RPS6KC1: variants seen among roughly 807,000 people sequenced by gnomAD.
The protein encoded by RPS6KC1 is ribosomal protein S6 kinase C1, also known as inactive ribosomal protein S6 kinase delta-1.
Under a neutral mutation model 103.8 loss-of-function variants are expected in RPS6KC1, and 54 were observed. That is an observed-to-expected ratio of 0.52 (90% CI 0.42 to 0.65). The LOEUF is 0.65. RPS6KC1 is among the 30% of genes least tolerant of loss of function. The pLI is 0.00. For synonymous variants in RPS6KC1, 439 were observed against 438.7 expected, an observed-to-expected ratio of 1.00 and a Z score of -0.01; for missense variants, 1,151 against 1,253.8, an observed-to-expected ratio of 0.92 and a Z score of 1.24.
chr1:213,594,477 T>G, the RPS6KC1 span, among the ~76,000 whole-genome samples: 1 of 152,228 alleles, frequency 6.6e-6, no homozygotes, highest in Non-Finnish European at 1.5e-5. Context: ...ATTATGTATG[T>G]GGCTCCCATT....
the RPS6KC1 span, among the ~76,000 whole-genome samples, chr1:213,538,215 G>C: frequency 6.6e-6 from 1 of 152,188 alleles, no homozygotes; most frequent in African/African-American, 2.4e-5. Flanking sequence ...AATAACTGAG[G>C]AGGAAAGAAA....
At chr1:213,625,934 GGTATATAT>G in the RPS6KC1 span, among the ~76,000 whole-genome samples, 4 of 152,040 alleles carry the variant, frequency 2.6e-5, no homozygotes, top group African/African-American at 9.7e-5. Context: ...TAATCCTTTG[GGTATATAT>G]CCAGTAATGG....
the RPS6KC1 span, among the ~76,000 whole-genome samples, chr1:213,691,957 C>A: frequency 6.6e-6 from 1 of 152,206 alleles, no homozygotes; most frequent in Non-Finnish European, 1.5e-5. Flanking sequence ...CTTGCACTTT[C>A]TCTGAGGCCC....
chr1:213,443,339 G>T, the RPS6KC1 span, among the ~76,000 whole-genome samples: 1 of 152,140 alleles, frequency 6.6e-6, no homozygotes, highest in African/African-American at 2.4e-5. Context: ...CTAAAAATTT[G>T]TTATAGTCCA....
rs865795678 is a variant in RPS6KC1, at chr1:213,151,385, G to A, written c.836-16473G>A. ...TCCCTCCCGGACGGGGCGGCTGGCC[G>A]GGCAGAGGGGCTCCTCGCTTCCCAG... On this transcript the variant is annotated intron_variant, in intron 6 of 14. Transcript: ENST00000366960. 2.0e-4 allele frequency among the ~76,000 whole-genome samples: 27 copies of A among 134,296 alleles called. No homozygotes were observed. In the South Asian group the frequency reaches 5.8e-3, roughly 29 times the overall value. The allele number at this position is 134,296 out of a possible 152,430, so 88.1% of individuals were successfully genotyped here.
chr1:213,558,430 A>G, the RPS6KC1 span, among the ~76,000 whole-genome samples: 1 of 152,168 alleles, frequency 6.6e-6, no homozygotes, highest in Non-Finnish European at 1.5e-5. Flanking sequence ...GCACCTGATT[A>G]TCTACCATTT....
the RPS6KC1 span, among the ~76,000 whole-genome samples, chr1:213,528,993 C>T: frequency 2.0e-5 from 3 of 152,236 alleles, no homozygotes; most frequent in Admixed American, 1.3e-4. Flanking sequence ...AAGTGATATA[C>T]GGAAGAGTTT....
chr1:213,149,851 A>C, intron 6 of RPS6KC1, among the ~76,000 whole-genome samples: 2 of 152,338 alleles, frequency 1.3e-5, no homozygotes, highest in African/African-American at 4.8e-5. Context: ...ATATATTTAA[A>C]ATTGTTATAT....
At chr1:213,576,368 T>TG in the RPS6KC1 span, among the ~76,000 whole-genome samples, 7 of 128,826 alleles carry the variant, frequency 5.4e-5, no homozygotes, top group East Asian at 2.2e-4. Context: ...TCAGATACTG[T>TG]GGGTTTTTTT....
the RPS6KC1 span, among the ~76,000 whole-genome samples, chr1:213,723,840 CAG>C: frequency 6.8e-6 from 1 of 147,800 alleles, no homozygotes; most frequent in Non-Finnish European, 1.5e-5. Context: ...TATTCTGGTG[CAG>C]AGAGAGAGAC....
the RPS6KC1 span, among the ~76,000 whole-genome samples, chr1:213,539,586 A>G: frequency 1.3e-5 from 2 of 152,344 alleles, no homozygotes; most frequent in South Asian, 2.1e-4. Context: ...CGGTTGTGCT[A>G]TTTGGAGCAA....
At chr1:213,511,360 G>T in the RPS6KC1 span, among the ~76,000 whole-genome samples, 1 of 152,156 alleles carries the variant, frequency 6.6e-6, no homozygotes, top group Non-Finnish European at 1.5e-5. Context: ...GCCGGGGCTG[G>T]CCATCCAGCA....
chr1:213,485,105 A>G, the RPS6KC1 span, among the ~76,000 whole-genome samples: 3 of 152,182 alleles, frequency 2.0e-5, no homozygotes, highest in Middle Eastern at 3.4e-3. Flanking sequence ...GGCTCAAGCA[A>G]TCCTCCCATC....
chr1:213,745,594 C>A, the RPS6KC1 span, among the ~76,000 whole-genome samples: 1 of 151,982 alleles, frequency 6.6e-6, no homozygotes, highest in African/African-American at 2.4e-5. Context: ...CTTGTCTGAG[C>A]GCCCAGCCCC....
the RPS6KC1 span, among the ~76,000 whole-genome samples, chr1:213,503,968 A>G: frequency 1.3e-5 from 2 of 152,216 alleles, no homozygotes; most frequent in African/African-American, 4.8e-5. Flanking sequence ...TGTTTATAAT[A>G]AAAATCTGGA....
the RPS6KC1 span, among the ~76,000 whole-genome samples, chr1:213,480,073 A>G: frequency 1.3e-5 from 2 of 152,128 alleles, no homozygotes; most frequent in African/African-American, 4.8e-5. Flanking sequence ...TTTCTGAAAT[A>G]TCTTACTCAT....
chr1:213,525,633 C>G, the RPS6KC1 span, among the ~76,000 whole-genome samples: 1 of 152,016 alleles, frequency 6.6e-6, no homozygotes, highest in Non-Finnish European at 1.5e-5. Flanking sequence ...ACCAAGAAAA[C>G]AAAGATGAAG....
intron 6 of RPS6KC1, among the ~76,000 whole-genome samples, chr1:213,165,689 C>A (rs960147798): frequency 6.6e-6 from 1 of 152,048 alleles, no homozygotes; most frequent in Non-Finnish European, 1.5e-5. Context: ...TCCCAAAGTG[C>A]TGGGATTACA....
At chr1:213,205,185 A>T (rs979740904) in intron 8 of RPS6KC1, 2 of 918,256 alleles carry the variant, frequency 2.2e-6, no homozygotes, top group Non-Finnish European at 2.6e-6. Flanking sequence ...ACCAAAAGAA[A>T]GTTGCTATCA....
Sources: allele counts gnomAD v4.1 joint callset (sites outside exome capture counted in the v4.1 genomes callset), GRCh38; gene constraint gnomAD v4.1.1; transcripts MANE v1.5; gene names NCBI Gene and HGNC (gene_info 2026-07-23, HGNC 2026-07-21).